Variants in RANBP2 observed in about 807,000 individuals in gnomAD.
The protein encoded by RANBP2 is E3 SUMO-protein ligase RanBP2.
RANBP2 carries 57 observed loss-of-function variants against 303.6 expected under a neutral mutation model. The observed-to-expected ratio is 0.19, with a 90% CI of 0.15 to 0.23. RANBP2 has a LOEUF of 0.23. Ranked by LOEUF, RANBP2 falls within the 10% of genes least tolerant of loss-of-function variation. The probability of loss-of-function intolerance (pLI) is 1.00; values close to 1 mark genes in which losing one functional copy is unlikely to be tolerated. For missense variants in RANBP2, 3,138 were observed against 3,780.8 expected (o/e 0.83, Z 4.46); for synonymous variants, 1,167 against 1,301.5 (o/e 0.90, Z 2.23).
chr2:109,098,738 A>T, the RANBP2 span, among the ~76,000 whole-genome samples: 17 of 152,196 alleles, frequency 1.1e-4, no homozygotes, highest in Non-Finnish European at 2.4e-4. Context: ...ACTGTTAGCA[A>T]TGCATCATGT....
chr2:109,438,565 A>G, the RANBP2 span, among the ~76,000 whole-genome samples: 1 of 152,258 alleles, frequency 6.6e-6, no homozygotes, highest in African/African-American at 2.4e-5. Flanking sequence ...TTTTTTACTT[A>G]AATCAGCTAA....
At chr2:108,782,495 A>T in intron 27 of RANBP2, 33 bp from the exon 28 acceptor site, 1 of 1,613,302 alleles carries the variant, frequency 6.2e-7, no homozygotes, top group African/African-American at 1.3e-5. Flanking sequence ...TTTTAATACT[A>T]AGGTCACTGC....
chr2:109,106,762 G>A, the RANBP2 span, among the ~76,000 whole-genome samples: 4 of 151,862 alleles, frequency 2.6e-5, no homozygotes, highest in African/African-American at 7.3e-5. Flanking sequence ...GTGTGAATCC[G>A]GGAGGCAGAG....
the RANBP2 span, among the ~76,000 whole-genome samples, chr2:109,643,193 GAA>G: frequency 4.9e-4 from 66 of 134,010 alleles, 1 homozygote; most frequent in East Asian, 5.1e-3. Flanking sequence ...CTTTTCAAAA[GAA>G]AAAAAAAAAA....
chr2:109,452,018 T>C, the RANBP2 span, among the ~76,000 whole-genome samples: 1 of 152,190 alleles, frequency 6.6e-6, no homozygotes, highest in African/African-American at 2.4e-5. Flanking sequence ...TGCTTTTCAT[T>C]CCCACCTCTC....
At chr2:109,031,218 C>G in the RANBP2 span, among the ~76,000 whole-genome samples, 1 of 152,086 alleles carries the variant, frequency 6.6e-6, no homozygotes, top group Non-Finnish European at 1.5e-5. Flanking sequence ...GGCTGGAAGT[C>G]CACCATCAAG....
chr2:109,327,070 A>G, the RANBP2 span, among the ~76,000 whole-genome samples: 1 of 152,246 alleles, frequency 6.6e-6, no homozygotes, highest in African/African-American at 2.4e-5. Context: ...TTTTAAAAAC[A>G]TTTAAATGTT....
At chr2:109,501,734 A>G in the RANBP2 span, 2 of 696,138 alleles carry the variant, frequency 2.9e-6, no homozygotes, top group Non-Finnish European at 5.3e-6. Flanking sequence ...TCCACGGCAC[A>G]CAGAGAGGGA....
At chr2:108,795,348 G>A in the RANBP2 span, among the ~76,000 whole-genome samples, 3 of 151,912 alleles carry the variant, frequency 2.0e-5, no homozygotes, top group African/African-American at 7.3e-5. Flanking sequence ...TAGAGATGGG[G>A]TTTCACCATG....
the RANBP2 span, among the ~76,000 whole-genome samples, chr2:109,580,351 A>C: frequency 6.6e-5 from 1 of 15,130 alleles, no homozygotes; most frequent in African/African-American, 1.1e-4. Flanking sequence ...ATAAAATGCA[A>C]AAAAAAAAAA....
At chr2:108,798,708 T>TACAC in the RANBP2 span, 2,675 of 429,020 alleles carry the variant, frequency 6.2e-3, 36 homozygotes, top group African/African-American at 0.04. Context: ...TCTCCACGCC[T>TACAC]ACACACACAC....
chr2:108,738,353 G>A (rs1172052496), intron 6 of RANBP2, among the ~76,000 whole-genome samples: 1 of 152,112 alleles, frequency 6.6e-6, no homozygotes, highest in Non-Finnish European at 1.5e-5. Flanking sequence ...GGGATTACAG[G>A]TGTGAGCCAC....
chr2:109,391,230 C>T, the RANBP2 span, among the ~76,000 whole-genome samples: 59 of 152,382 alleles, frequency 3.9e-4, no homozygotes, highest in Middle Eastern at 3.4e-3. Context: ...GCGTTTTAAA[C>T]TTCAGTTATC....
chr2:108,727,619 T>A (rs1208217936), intron 1 of RANBP2, among the ~76,000 whole-genome samples: 2 of 150,104 alleles, frequency 1.3e-5, no homozygotes, highest in Non-Finnish European at 3.0e-5. Flanking sequence ...TTTTTTTTTT[T>A]TTTTGAGATG....
At chr2:109,713,562 A>T in the RANBP2 span, among the ~76,000 whole-genome samples, 1 of 152,198 alleles carries the variant, frequency 6.6e-6, no homozygotes, top group Non-Finnish European at 1.5e-5. Context: ...TTGGAAATCA[A>T]TTGGGACCAT....
At chr2:109,035,812 G>A in the RANBP2 span, among the ~76,000 whole-genome samples, 1 of 151,896 alleles carries the variant, frequency 6.6e-6, no homozygotes, top group Non-Finnish European at 1.5e-5. Context: ...ACCCAAATGG[G>A]TAAACACAAA....
the RANBP2 span, among the ~76,000 whole-genome samples, chr2:109,205,554 A>C: frequency 6.6e-6 from 1 of 152,152 alleles, no homozygotes; most frequent in Admixed American, 6.5e-5. Flanking sequence ...CGCCCAACTT[A>C]TGTGACTCTT....
the RANBP2 span, among the ~76,000 whole-genome samples, chr2:109,410,459 G>A: frequency 3.9e-5 from 6 of 152,338 alleles, no homozygotes; most frequent in Admixed American, 6.5e-5. Flanking sequence ...CAGCGTGCAC[G>A]CTGTCACTTT....
chr2:108,795,104 A>C, the RANBP2 span, among the ~76,000 whole-genome samples: 1 of 149,664 alleles, frequency 6.7e-6, no homozygotes, highest in Non-Finnish European at 1.5e-5. Flanking sequence ...TGAACTCTTA[A>C]CATTTGCTTA....
Sources: allele counts gnomAD v4.1 joint callset (sites outside exome capture counted in the v4.1 genomes callset), GRCh38; gene constraint gnomAD v4.1.1; transcripts MANE v1.5; gene names NCBI Gene and HGNC (gene_info 2026-07-23, HGNC 2026-07-21).